The following EDNRB variants were observed in gnomAD, a reference collection of about 807,000 sequenced individuals.
EDNRB encodes Hirschsprung disease 2.
EDNRB carries 18 observed loss-of-function variants against 46.4 expected under a neutral mutation model. The ratio of observed to expected loss-of-function variants is 0.39; its 90% CI spans 0.27 to 0.57. The LOEUF (loss-of-function observed/expected upper bound fraction) is 0.57, where lower values mean the gene tolerates loss of function less well. Among genes scored for constraint, EDNRB ranks in the 20% least tolerant of loss-of-function variants. EDNRB has a pLI of 0.61. For missense variants in EDNRB, 434 were observed against 537.5 expected (o/e 0.81, Z 1.90); for synonymous variants, 213 against 204.9 (o/e 1.04, Z -0.34).
intron 1 of EDNRB, among the ~76,000 whole-genome samples, chr13:77,906,968 C>G (rs4435136): frequency 0.54 from 82,127 of 151,750 alleles, 22,990 homozygotes; most frequent in Non-Finnish European, 0.62. Context: ...AATACCTGCC[C>G]GACAGTGGTT....
chr13:77,938,897 TC>T (rs1486250562), intron 1 of EDNRB, among the ~76,000 whole-genome samples: 1 of 152,206 alleles, frequency 6.6e-6, no homozygotes, highest in African/African-American at 2.4e-5. Context: ...CATAGGTGGA[TC>T]TTTTTCACAG....
At chr13:77,935,620 A>G (rs1313761251) in intron 1 of EDNRB, among the ~76,000 whole-genome samples, 1 of 152,194 alleles carries the variant, frequency 6.6e-6, no homozygotes, top group Non-Finnish European at 1.5e-5. Context: ...GTTTATGAGA[A>G]TTACGCCAAA....
At chr13:77,919,888 C>T, upstream of EDNRB, 1 of 310,270 alleles carries the variant, frequency 3.2e-6, no homozygotes, top group Non-Finnish European at 5.9e-6. Context: ...GATAATTGAA[C>T]TTTTAATGCC....
At chr13:77,934,973 G>A (rs1395802837) in intron 1 of EDNRB, among the ~76,000 whole-genome samples, 1 of 147,208 alleles carries the variant, frequency 6.8e-6, no homozygotes, top group Admixed American at 6.9e-5. Context: ...TGGGGGTCAG[G>A]TGTGGTATCA....
At chr13:77,907,045 A>G (rs1879317532) in intron 1 of EDNRB, among the ~76,000 whole-genome samples, 2 of 151,982 alleles carry the variant, frequency 1.3e-5, no homozygotes, top group African/African-American at 4.8e-5. Context: ...ACCTATAGCT[A>G]TGTGTCAAAT....
intron 1 of EDNRB, among the ~76,000 whole-genome samples, chr13:77,938,410 A>T (rs1201417385): frequency 1.3e-5 from 2 of 150,734 alleles, no homozygotes; most frequent in Admixed American, 1.3e-4. Context: ...GAAGGGGTAG[A>T]GACACAGAAA....
upstream of EDNRB, among the ~76,000 whole-genome samples, chr13:77,924,539 A>T (rs1880176351): frequency 6.6e-6 from 1 of 152,232 alleles, no homozygotes. Context: ...TAATGTGGTA[A>T]AAAAACACAT....
chr13:77,937,603 C>A (rs970547172), intron 1 of EDNRB, among the ~76,000 whole-genome samples: 1 of 152,138 alleles, frequency 6.6e-6, no homozygotes, highest in African/African-American at 2.4e-5. Context: ...GCTCCAGCCA[C>A]CTCTCTAAGA....
At chr13:77,972,041 G>A (rs77532191) in intron 1 of EDNRB, among the ~76,000 whole-genome samples, 1 of 151,968 alleles carries the variant, frequency 6.6e-6, no homozygotes, top group Non-Finnish European at 1.5e-5. Flanking sequence ...ATGCTAAGTT[G>A]CCTCCCTGTC....
intron 1 of EDNRB, among the ~76,000 whole-genome samples, chr13:77,952,287 G>C (rs1881114943): frequency 6.6e-6 from 1 of 152,134 alleles, no homozygotes; most frequent in African/African-American, 2.4e-5. Context: ...ACAAGGGTTT[G>C]TGATAAAGGA....
intron 1 of EDNRB, among the ~76,000 whole-genome samples, chr13:77,958,665 C>T (rs1247935804): frequency 1.3e-5 from 2 of 152,156 alleles, no homozygotes; most frequent in South Asian, 4.1e-4. Flanking sequence ...TGAGCCACTG[C>T]CCCCAGCCCC....
At chr13:77,941,490 T>C (rs1031137863) in intron 1 of EDNRB, among the ~76,000 whole-genome samples, 4 of 152,242 alleles carry the variant, frequency 2.6e-5, no homozygotes, top group Non-Finnish European at 5.9e-5. Flanking sequence ...GACCAGATTC[T>C]TCTAGTGATT....
At chr13:77,917,920 T>G (rs1879889470) in intron 1 of EDNRB, among the ~76,000 whole-genome samples, 171 bp downstream of exon 1, 1 of 152,124 alleles carries the variant, frequency 6.6e-6, no homozygotes, top group African/African-American at 2.4e-5. Context: ...CTGACTTTTA[T>G]GAGTGGACAG....
At chr13:77,909,478 G>A (rs369177736) in intron 1 of EDNRB, among the ~76,000 whole-genome samples, 6 of 152,034 alleles carry the variant, frequency 3.9e-5, no homozygotes. Context: ...ACACACCCCT[G>A]TTAATGCCAA....
At position 77,956,152 on chromosome 13, in the gene EDNRB, A is replaced by G. The variant is rs1355092150; in HGVS notation, c.-52+19195T>C. Among the ~76,000 whole-genome samples the G allele has an allele frequency of 3.9e-5, 6 of 152,330 alleles. No individual in the cohort carries two copies. The East Asian group carries it at 1.2e-3, about 29-fold the overall frequency. The stretch of plus-strand genomic sequence containing the variant: ...TTAACAATATTAATTCTTCTCATCC[A>G]TAAACCTGAGATGTCTTTCCATTTA... On this transcript the variant is annotated intron_variant, in intron 1 of 7. Coordinates refer to the EDNRB transcript ENST00000646948.
At chr13:77,908,044 A>AAAGAGAGC (rs1555291127) in intron 1 of EDNRB, among the ~76,000 whole-genome samples, 1 of 4,120 alleles carries the variant, frequency 2.4e-4, no homozygotes, top group African/African-American at 9.6e-4. Flanking sequence ...AAAAAAAAAA[A>AAAGAGAGC]GAGAGAGAGA....
chr13:77,950,609 A>C (rs1425532949), intron 1 of EDNRB, among the ~76,000 whole-genome samples: 2 of 152,170 alleles, frequency 1.3e-5, no homozygotes, highest in Non-Finnish European at 2.9e-5. Context: ...GCATGCACAC[A>C]CCTGCTGCAG....
chr13:77,897,121 C>T lies in EDNRB; in HGVS notation c.*1079G>A. The T allele has an allele frequency of 1.7e-5, 17 of 985,748 alleles. No individual in the cohort carries two copies. The highest frequency in any genetic ancestry group is 1.9e-5 in the Non-Finnish European group (16 of 830,266). The allele number at this position is 985,748 out of a possible 1,614,324, so 61.1% of individuals were successfully genotyped here. ...ACAGCATGGGTGAGAGAGGGTGCTACCTGCCCCTTTGTCATGTGGACACTG... is the reference window on the plus strand; with the variant it reads ...ACAGCATGGGTGAGAGAGGGTGCTATCTGCCCCTTTGTCATGTGGACACTG... On this transcript the variant is annotated 3_prime_UTR_variant, in exon 7 of 7. Transcript: ENST00000646607.
chr13:77,962,728 C>T (rs1395737876), intron 1 of EDNRB, among the ~76,000 whole-genome samples: 1 of 152,174 alleles, frequency 6.6e-6, no homozygotes, highest in East Asian at 1.9e-4. Flanking sequence ...GGGATGCCCT[C>T]TCTCACCACT....
Sources: gnomAD v4.1 joint callset for allele counts (sites outside exome capture counted in the v4.1 genomes callset) on GRCh38, gnomAD v4.1.1 for gene constraint, MANE v1.5 for transcripts, NCBI Gene and HGNC (gene_info 2026-07-23, HGNC 2026-07-21) for gene names.